The following EVPL variants were observed in gnomAD, a reference collection of about 807,000 sequenced individuals.
The protein encoded by EVPL is envoplakin, also known as 210 kDa cornified envelope precursor protein.
In EVPL, 94 loss-of-function variants were observed where a neutral mutation model predicts 129.7. That is an observed-to-expected ratio of 0.72 (90% CI 0.61 to 0.86). The LOEUF is 0.86. Ranked by LOEUF, EVPL falls within the 40% of genes least tolerant of loss-of-function variation. The pLI is 0.00. For synonymous variants in EVPL, 1,172 were observed against 1,191.1 expected (o/e 0.98, Z 0.33); for missense variants, 2,625 against 2,721.1 (o/e 0.96, Z 0.79).
Position 76,027,238 on chromosome 17 carries a change from G to T in EVPL, c.-40C>A. The T allele has an allele frequency of 6.9e-7, 1 of 1,458,612 alleles. No individual in the cohort carries two copies. Among genetic ancestry groups the T allele is most frequent in the Non-Finnish European group, 9.6e-7 (1 of 1,044,536 alleles). The allele number at this position is 1,458,612 out of a possible 1,614,324, so 90.4% of individuals were successfully genotyped here. On this transcript the variant is annotated 5_prime_UTR_variant, in exon 1 of 22. Coordinates refer to ENST00000301607, the MANE Select transcript of EVPL (RefSeq NM_001988.4). The stretch of plus-strand genomic sequence containing the variant: ...GTGCTGGCTCAGGCTGGGCTTGGCT[G>T]GCGAAAGACGGCAGGAGGGCAGGTG...
chr17:76,009,733 G>A lies in EVPL; in HGVS notation c.3472C>T (p.Leu1158Phe). The change falls in exon 22 of 22, where the codon CTC becomes TTC. Residue 1158 changes from leucine (L) to phenylalanine (F), a missense_variant. Around this residue, in one of 4 missense-constraint regions of EVPL, gnomAD observed 1,453 missense variants for 1,511.8 expected, o/e 0.96. Transcript: ENST00000301607. This position sits in a 1 kb window ranked among gnomAD's most constrained non-coding sequence, Gnocchi z 5.9. ...TTCTTGGTCCTCTCCTCCTCGAGGA[G>A]GCTCCTCAGCCTGGAGGACTCCTGG... ...LLQESSRLRS[L>F]LEEERTKNAT... The A allele has an allele frequency of 6.2e-7, 1 of 1,613,670 alleles. No homozygotes were observed. Among genetic ancestry groups the A allele is most frequent in the Non-Finnish European group, 8.5e-7 (1 of 1,179,990 alleles).
chr17:76,008,977 G>A lies in EVPL; in HGVS notation c.4228C>T (p.Gln1410Ter), dbSNP rs776088543. 6.2e-7 allele frequency: 1 copy of A among 1,611,642 alleles called. No homozygotes were observed. The highest frequency in any genetic ancestry group is 8.5e-7 in the Non-Finnish European group (1 of 1,179,926). ...TCCTCCACGCCGGCCCGCAGCTGCTGCACCTCAAGCTCTAGCTGGCGCCGC... is the reference window on the plus strand; with the variant it reads ...TCCTCCACGCCGGCCCGCAGCTGCTACACCTCAAGCTCTAGCTGGCGCCGC... Reference protein sequence around the residue: ...GRRRQLELEVQQLRAGVEEQE... With the variant: ...GRRRQLELEV The change falls in exon 22 of 22, where the codon CAG (glutamine) becomes TAG (stop). Residue 1410 changes from glutamine to a stop codon, truncating the protein, a stop_gained. Transcript: ENST00000301607. LOFTEE classifies it low-confidence loss of function (END_TRUNC). This position sits in a 1 kb window ranked among gnomAD's most constrained non-coding sequence, Gnocchi z 7.4.
At chr17:76,018,392 G>A in intron 12 of EVPL, 54 bp downstream of exon 12, 2 of 1,565,100 alleles carry the variant, frequency 1.3e-6, no homozygotes, top group Non-Finnish European at 1.7e-6. Flanking sequence ...GGACACCGCA[G>A]GGCCGGCCTG....
rs2066443121 is a variant in EVPL, at chr17:76,019,570, C to T, written c.1095G>A (p.Gly365=). The change falls in exon 10 of 22, where the codon GGG becomes GGA. Residue 365 remains glycine (G), a synonymous_variant. Coordinates refer to ENST00000301607, the MANE Select transcript of EVPL (RefSeq NM_001988.4). ...GCTCTGTGGGGGCGCCAGGGGGGCCCCCAGGTGCAGGGCTGTACTTGGCAT... is the reference window on the plus strand; with the variant it reads ...GCTCTGTGGGGGCGCCAGGGGGGCCTCCAGGTGCAGGGCTGTACTTGGCAT... The part of the protein sequence containing the change: ...NLDAKYSPAP[G]GPPGAPTELL... The T allele has an allele frequency of 6.3e-7, 1 of 1,581,542 alleles. No individual in the cohort carries two copies. Among genetic ancestry groups the T allele is most frequent in the Admixed American group, 1.9e-5 (1 of 51,812 alleles).
In EVPL at chr17:76,027,215, G is replaced by T; in HGVS notation, c.-17C>A. ...CTTGAACATGGTCGTAAAGGCAAGT[G>T]CTGGCTCAGGCTGGGCTTGGCTGGC... On this transcript the variant is annotated 5_prime_UTR_variant, in exon 1 of 22. Coordinates refer to ENST00000301607, the MANE Select transcript of EVPL (RefSeq NM_001988.4). The T allele has an allele frequency of 6.4e-6, 10 of 1,570,948 alleles. No homozygotes were observed. The highest frequency in any genetic ancestry group is 8.7e-6 in the Non-Finnish European group (10 of 1,145,678).
In EVPL at chr17:76,021,572, G is replaced by A. The variant is rs74935264; in HGVS notation, c.916-9C>T. ...AGGGCCTCCTGGTGGGCCTGGGTAC[G>A]GCAGCATGGAGCCCTCGGACCACGC... On this transcript the variant is annotated splice_polypyrimidine_tract_variant and intron_variant, in intron 8 of 21. Transcript: ENST00000301607. The A allele has an allele frequency of 1.3e-4, 196 of 1,498,450 alleles. 3 individuals are homozygous for A. In the South Asian group the frequency reaches 2.1e-3, roughly 16 times the overall value. The allele number at this position is 1,498,450 out of a possible 1,614,324, so 92.8% of individuals were successfully genotyped here.
At chr17:76,021,596 G>GCGC in intron 8 of EVPL, 33 bp from the exon 9 acceptor site, 1 of 1,378,752 alleles carries the variant, frequency 7.3e-7, no homozygotes, top group African/African-American at 1.7e-5. Flanking sequence ...CTCGGACCAC[G>GCGC]CCCCCCCCAC....
Position 76,008,287 on chromosome 17 carries a change from G to C in EVPL, c.4918C>G (p.Arg1640Gly), listed in dbSNP as rs763165225. The C allele has an allele frequency of 6.2e-7, 1 of 1,611,234 alleles. No individual in the cohort carries two copies. The highest frequency in any genetic ancestry group is 2.2e-5 in the East Asian group (1 of 44,870). The change falls in exon 22 of 22, where the codon CGG (arginine) becomes GGG (glycine). Residue 1640 changes from arginine to glycine, a missense_variant. By Grantham distance (125) the Arg-to-Gly change is moderately radical. This residue lies in a region of EVPL where 1,453 missense variants were observed against 1,511.8 expected (regional missense o/e 0.96). Transcript: ENST00000301607. This position sits in a 1 kb window ranked among gnomAD's most constrained non-coding sequence, Gnocchi z 7.4. ...KAAQRGQELS[R>G]LEAAILREKD... is the part of the protein sequence containing the mutation. ...TCGCGGAGGATGGCCGCCTCCAGCC[G>C]CGAGAGCTCCTGGCCCCGCTGGGCC...
At position 76,007,380 on chromosome 17, in the gene EVPL, C is replaced by T. The variant is rs2066326346; in HGVS notation, c.5825G>A (p.Gly1942Glu). The T allele has an allele frequency of 3.8e-6, 6 of 1,598,664 alleles. No homozygotes were observed. Among genetic ancestry groups the T allele is most frequent in the Non-Finnish European group, 5.1e-6 (6 of 1,169,488 alleles). The change falls in exon 22 of 22, where the codon GGG (glycine) becomes GAG (glutamate). Residue 1942 changes from glycine to glutamate, a missense_variant. Transcript: ENST00000301607. This position sits in a 1 kb window ranked among gnomAD's most constrained non-coding sequence, Gnocchi z 8.8. Reference protein sequence around the residue: ...LPHLQVQHLTGGLIDPKRTGR... With the variant: ...LPHLQVQHLTEGLIDPKRTGR... ...TGTCCTCTTGGGGTCGATGAGCCCCCCGGTCAGGTGCTGCACCTGCAGGTG... is the reference window on the plus strand; with the variant it reads ...TGTCCTCTTGGGGTCGATGAGCCCCTCGGTCAGGTGCTGCACCTGCAGGTG...
intron 8 of EVPL, 33 bp from the exon 9 acceptor site, chr17:76,021,596 G>GCA (rs2066458409): frequency 1.7e-5 from 23 of 1,379,530 alleles, no homozygotes; most frequent in Non-Finnish European, 2.2e-5. Context: ...CTCGGACCAC[G>GCA]CCCCCCCCAC....
Position 76,007,750 on chromosome 17 carries a change from C to T in EVPL, c.5455G>A (p.Gly1819Arg), listed in dbSNP as rs747281682. ...TSFFSPSFSLGLGDDSFPIAG... is the reference protein window; with the variant it reads ...TSFFSPSFSLRLGDDSFPIAG... The stretch of plus-strand genomic sequence containing the variant: ...ATAGGGAAGCTGTCATCACCGAGCC[C>T]GAGAGAGAAGCTGGGAGAGAAGAAA... Residue 1819 changes from glycine (G) to arginine (R), a missense_variant, in exon 22 of 22, where the codon GGG becomes AGG. This residue lies in a region of EVPL where 1,453 missense variants were observed against 1,511.8 expected (regional missense o/e 0.96). Transcript: ENST00000301607. This position sits in a 1 kb window ranked among gnomAD's most constrained non-coding sequence, Gnocchi z 8.8. 1.4e-5 allele frequency: 22 copies of T among 1,612,730 alleles called. No homozygotes were observed. Among genetic ancestry groups the T allele is most frequent in the Admixed American group, 3.3e-5 (2 of 59,968 alleles).
chr17:76,018,160 C>T lies in EVPL; in HGVS notation c.1537+1G>A, dbSNP rs1292502646. ...ACCTCTCCCCGGGCCACCCTGGGTA[C>T]CCTGCTGGCTGGGCCGAAGAGACTC... On this transcript the variant is annotated splice_donor_variant, in intron 13 of 21. Transcript: ENST00000301607. LOFTEE classifies it high-confidence loss of function. 6.4e-7 allele frequency: 1 copy of T among 1,551,032 alleles called. No individual in the cohort carries two copies. Among genetic ancestry groups the T allele is most frequent in the Non-Finnish European group, 8.7e-7 (1 of 1,146,854 alleles).
In EVPL at chr17:76,024,085, C is replaced by T. The variant is rs762554041; in HGVS notation, c.134G>A (p.Arg45His). ...CACCTGGTCGGCGTTGGCTTGCATG[C>T]GGGAGATGAGAAGGGCCAGCTCCTG... ...ATQELALLIS[R>H]MQANADQVER... Residue 45 changes from arginine to histidine, a missense_variant, in exon 2 of 22, where the codon CGC becomes CAC. Coordinates refer to ENST00000301607, the MANE Select transcript of EVPL (RefSeq NM_001988.4). This position sits in a 1 kb window ranked among gnomAD's most constrained non-coding sequence, Gnocchi z 4.5. 8.7e-6 allele frequency: 14 copies of T among 1,613,646 alleles called. No individual in the cohort carries two copies. Among genetic ancestry groups the T allele is most frequent in the Admixed American group, 8.3e-5 (5 of 59,994 alleles).
At chr17:76,014,398 C>T in intron 18 of EVPL, 28 bp downstream of exon 18, 3 of 1,595,562 alleles carry the variant, frequency 1.9e-6, no homozygotes, top group Non-Finnish European at 1.7e-6. Flanking sequence ...CACATGGGCA[C>T]AGGCAGCTGT....
chr17:76,017,673 C>T, intron 14 of EVPL, 66 bp downstream of exon 14: 3 of 1,568,536 alleles, frequency 1.9e-6, no homozygotes, highest in South Asian at 1.2e-5. Context: ...CCTCACCTCC[C>T]TCAAGTGTGA....
chr17:76,018,388 C>G, intron 12 of EVPL, 58 bp downstream of exon 12: 1 of 1,558,756 alleles, frequency 6.4e-7, no homozygotes, highest in Non-Finnish European at 8.7e-7. Context: ...GCTTGGACAC[C>G]GCAGGGCCGG....
chr17:76,025,400 C>T (rs1200358367), intron 1 of EVPL, among the ~76,000 whole-genome samples: 6 of 152,190 alleles, frequency 3.9e-5, no homozygotes, highest in African/African-American at 7.2e-5. Context: ...TCATGTCAAA[C>T]GAGTGGATCG....
At chr17:76,014,821 G>T in intron 17 of EVPL, 95 bp downstream of exon 17, 2 of 1,313,558 alleles carry the variant, frequency 1.5e-6, no homozygotes, top group Non-Finnish European at 1.0e-6. Flanking sequence ...CTTCAGAGAC[G>T]TGAAGTCACT....
intron 1 of EVPL, 75 bp downstream of exon 1, chr17:76,027,026 A>G (rs2665961): frequency 0.52 from 456,069 of 878,108 alleles, 124,084 homozygotes; most frequent in East Asian, 0.78. Context: ...CGCCGCCGCC[A>G]GGTGGCTCAA....
Sources: allele counts gnomAD v4.1 joint callset (sites outside exome capture counted in the v4.1 genomes callset), GRCh38; gene constraint gnomAD v4.1.1; regional missense constraint gnomAD v4.1.1; non-coding constraint Gnocchi (gnomAD v3.1); transcripts MANE v1.5; gene names NCBI Gene and HGNC (gene_info 2026-07-23, HGNC 2026-07-21).